IGSF22: variants seen among roughly 807,000 people sequenced by gnomAD.
The protein encoded by IGSF22 is immunoglobulin superfamily, member 22.
Under a neutral mutation model 127.0 loss-of-function variants are expected in IGSF22, and 119 were observed. The ratio of observed to expected loss-of-function variants is 0.94; its 90% CI spans 0.81 to 1.09. The LOEUF is 1.09. IGSF22 is among the 50% of genes least tolerant of loss of function. The pLI is 0.00. For synonymous variants in IGSF22, 568 were observed against 664.7 expected (o/e 0.85, Z 2.24); for missense variants, 1,518 against 1,716.6 (o/e 0.88, Z 2.04).
chr11:18,721,483 G>T (rs1449517490), intron 4 of IGSF22, 52 bp downstream of exon 4: 3 of 1,612,552 alleles, frequency 1.9e-6, no homozygotes, highest in Non-Finnish European at 2.5e-6. Flanking sequence ...CCGCCCTGGG[G>T]GTCCCTGCCT....
At chr11:18,708,389 CCTT>C (rs1372711477) in intron 18 of IGSF22, 94 bp from the exon 19 acceptor site, 6 of 905,864 alleles carry the variant, frequency 6.6e-6, no homozygotes, top group Non-Finnish European at 9.9e-6. Context: ...AACCTCTCCT[CCTT>C]TATGCCCCCA....
At chr11:18,718,356 A>G (rs58441608) in intron 8 of IGSF22, among the ~76,000 whole-genome samples, 22,783 of 152,170 alleles carry the variant, frequency 0.15, 1,980 homozygotes, top group South Asian at 0.29. Flanking sequence ...ATCTTCAGTG[A>G]CCTTCAAGAC....
chr11:18,715,757 A>G (rs2134164743), intron 10 of IGSF22, 41 bp from the exon 11 acceptor site: 1 of 1,574,666 alleles, frequency 6.4e-7, no homozygotes, highest in Non-Finnish European at 8.6e-7. Context: ...CCAAACCACG[A>G]CATCTTTTTT....
intron 16 of IGSF22, 77 bp downstream of exon 16, chr11:18,710,578 A>C: frequency 6.3e-7 from 1 of 1,580,702 alleles, no homozygotes; most frequent in Non-Finnish European, 8.6e-7. Flanking sequence ...TGGATGAGGG[A>C]CTGTGTCAGT....
chr11:18,721,353 C>G (rs562662269), intron 4 of IGSF22, among the ~76,000 whole-genome samples, 182 bp downstream of exon 4: 3 of 152,354 alleles, frequency 2.0e-5, no homozygotes, highest in East Asian at 3.9e-4. Flanking sequence ...CCGGCAATAT[C>G]CCGGTTCCTG....
chr11:18,710,962 G>A, intron 15 of IGSF22, 134 bp from the exon 16 acceptor site: 2 of 771,876 alleles, frequency 2.6e-6, no homozygotes, highest in South Asian at 4.0e-5. Flanking sequence ...CTTTTTTAGA[G>A]ACAAGGTCTC....
chr11:18,717,590 G>A (rs921971176), intron 9 of IGSF22, among the ~76,000 whole-genome samples: 2 of 152,066 alleles, frequency 1.3e-5, no homozygotes, highest in South Asian at 4.1e-4. Context: ...TAGAGATGGG[G>A]TTTCACTATA....
rs772457250 is a variant in IGSF22 at position 18,715,516 on chromosome 11, T to C, written c.1447A>G (p.Ser483Gly). The change falls in exon 11 of 23, where the codon AGT becomes GGT. Residue 483 changes from serine (S) to glycine (G), a missense_variant. By Grantham distance (56) the Ser-to-Gly change is moderately conservative. Around this residue, in one of 3 missense-constraint regions of IGSF22, gnomAD observed 1,456 missense variants for 1,644.9 expected, o/e 0.89. Coordinates refer to ENST00000513874, the MANE Select transcript of IGSF22 (RefSeq NM_173588.4). ...ACCACAGTGTACTCGCCACCATCAC[T>C]GAGCTGTGCATCCTCAATGATCAGC... ...AELIIEDAQL[S>G]DGGEYTVVAM... is the part of the protein sequence containing the mutation. 6.2e-7 allele frequency: 1 copy of C among 1,614,026 alleles called. No individual in the cohort carries two copies. The highest frequency in any genetic ancestry group is 8.5e-7 in the Non-Finnish European group (1 of 1,179,974).
At chr11:18,722,120 A>G in intron 2 of IGSF22, 79 bp from the exon 3 acceptor site, 1 of 1,541,664 alleles carries the variant, frequency 6.5e-7, no homozygotes, top group South Asian at 1.1e-5. Flanking sequence ...CTTTCTTGAG[A>G]GGACGGTGGA....
chr11:18,706,058 C>G lies in IGSF22; in HGVS notation c.3669G>C (p.Thr1223=). The G allele has an allele frequency of 1.3e-6, 2 of 1,551,142 alleles. No homozygotes were observed. The highest frequency in any genetic ancestry group is 1.7e-6 in the Non-Finnish European group (2 of 1,146,938). ...PRFVTPLKPH[T]VLRGQDCTMT... is the part of the protein sequence containing the mutation. ...TGGTGCAGTCCTGGCCGCGGAGCAC[C>G]GTGTGTGGCTTGAGGGGCGTCACGA... is the stretch of plus-strand genomic sequence containing the variant. The change falls in exon 22 of 23, where the codon ACG becomes ACC. Residue 1223 remains threonine (T), a synonymous_variant. Transcript: ENST00000513874.
rs546661546 is a variant in IGSF22, at chr11:18,705,768, C to A, written c.3910+49G>T. 3.4e-6 allele frequency: 5 copies of A among 1,474,762 alleles called. No homozygotes were observed. The South Asian group carries it at 6.5e-5, about 19-fold the overall frequency. The allele number at this position is 1,474,762 out of a possible 1,614,324, so 91.4% of individuals were successfully genotyped here. On this transcript the variant is annotated intron_variant, in intron 22 of 22. Coordinates refer to ENST00000513874, the MANE Select transcript of IGSF22 (RefSeq NM_173588.4). The stretch of plus-strand genomic sequence containing the variant: ...TTGACCAATGGCCCACAAGACCAGC[C>A]TTTTGCGCCTCTCCCCCTCCTCGAG...
chr11:18,704,424 C>G lies in IGSF22; in HGVS notation c.*44G>C. 7.2e-7 allele frequency: 1 copy of G among 1,390,666 alleles called. No individual in the cohort carries two copies. The highest frequency in any genetic ancestry group is 1.0e-6 in the Non-Finnish European group (1 of 1,000,436). 86.1% of individuals were successfully genotyped at this position (1,390,666 alleles called of 1,614,324 possible). A position where few individuals can be genotyped will look rare whatever the true frequency, so the allele number is the denominator to read the frequency against. On this transcript the variant is annotated 3_prime_UTR_variant, in exon 23 of 23. Coordinates refer to ENST00000513874, the MANE Select transcript of IGSF22 (RefSeq NM_173588.4). ...GCCATGCAGAGGACAGGCCAAGAAA[C>G]TCCACATCATAACAGCCTCCTGATG...
At chr11:18,721,845 A>AG (rs1590456779) in intron 3 of IGSF22, 65 bp downstream of exon 3, 1 of 1,598,374 alleles carries the variant, frequency 6.3e-7, no homozygotes, top group Non-Finnish European at 8.5e-7. Context: ...GGTAGGACGG[A>AG]GGGTGGGGGC....
chr11:18,710,587 G>C, intron 16 of IGSF22, 68 bp downstream of exon 16: 1 of 1,582,824 alleles, frequency 6.3e-7, no homozygotes, highest in Non-Finnish European at 8.6e-7. Flanking sequence ...GACTGTGTCA[G>C]TAGTTAATGG....
Position 18,719,859 on chromosome 11 carries a change from CCTT to C in IGSF22, c.550_552del (p.Lys184del), listed in dbSNP as rs1415271452. 1.2e-6 allele frequency: 2 copies of C among 1,614,202 alleles called. No homozygotes were observed. The highest frequency in any genetic ancestry group is 1.3e-5 in the African/African-American group (1 of 75,056). On this transcript the variant is annotated inframe_deletion, in exon 7 of 23. Transcript: ENST00000513874. Reference sequence around the variant, plus strand: ...TCCAGCATCTCTTTCTCATTTGCCACCTTCTTCTGCTTCTTCTTGGGAGCAGGG... The same window carrying C: ...TCCAGCATCTCTTTCTCATTTGCCACCTTCTGCTTCTTCTTGGGAGCAGGG...
At chr11:18,705,135 A>C (rs966669547) in intron 22 of IGSF22, among the ~76,000 whole-genome samples, 1 of 145,272 alleles carries the variant, frequency 6.9e-6, no homozygotes, top group Non-Finnish European at 1.5e-5. Context: ...GAGTAGCAGA[A>C]GGTGAGATGA....
chr11:18,709,538 C>G lies in IGSF22; in HGVS notation c.2847G>C (p.Lys949Asn). 6.2e-7 allele frequency: 1 copy of G among 1,614,208 alleles called. No individual in the cohort carries two copies. The highest frequency in any genetic ancestry group is 1.1e-5 in the South Asian group (1 of 91,076). Residue 949 changes from lysine (K) to asparagine (N), a missense_variant, in exon 18 of 23, where the codon AAG becomes AAC. Lys to Asn is a moderately conservative substitution (Grantham distance 94, BLOSUM62 0). Transcript: ENST00000513874. The surrounding 1 kb of genome is among the most constrained non-coding windows in gnomAD (Gnocchi z 4.8). ...MRAEDTKEWS[K>N]CTKIPISGTC... is the part of the protein sequence containing the mutation. ...TGCCTGAGATGGGGATCTTTGTGCA[C>G]TTGGACCACTCCTTTGTGTCTTCAG...
chr11:18,720,175 G>A lies in IGSF22; in HGVS notation c.478+11C>T, dbSNP rs764030061. On this transcript the variant is annotated intron_variant, in intron 5 of 22. Transcript: ENST00000513874. ...CTAAGAAGAAAGGCCAAGAGGAAGG[G>A]GCCAACTCACCTTCTGTTACCAGCA... The A allele has an allele frequency of 1.9e-6, 3 of 1,613,534 alleles. No individual in the cohort carries two copies. Among genetic ancestry groups the A allele is most frequent in the Admixed American group, 3.3e-5 (2 of 60,018 alleles).
chr11:18,720,290 A>T lies in IGSF22; in HGVS notation c.379-5T>A. On this transcript the variant is annotated splice_polypyrimidine_tract_variant and splice_region_variant and intron_variant, in intron 4 of 22. Transcript: ENST00000513874. ...ATCCGAAGTCAGTGGCTCCAGCTGG[A>T]TCAAAGTCCGGCCATTAGTGGGGGA... 1.9e-6 allele frequency: 3 copies of T among 1,613,432 alleles called. No homozygotes were observed. The highest frequency in any genetic ancestry group is 2.5e-6 in the Non-Finnish European group (3 of 1,179,488).
Sources: allele counts gnomAD v4.1 joint callset (sites outside exome capture counted in the v4.1 genomes callset), GRCh38; gene constraint gnomAD v4.1.1; regional missense constraint gnomAD v4.1.1; non-coding constraint Gnocchi (gnomAD v3.1); transcripts MANE v1.5; gene names NCBI Gene and HGNC (gene_info 2026-07-23, HGNC 2026-07-21).